Variants in ZFP36L1 observed in about 807,000 individuals in gnomAD.
The protein encoded by ZFP36L1 is mRNA decay activator protein ZFP36L1.
ZFP36L1 carries 4 observed loss-of-function variants against 16.7 expected under a neutral mutation model. The observed-to-expected ratio is 0.24, with a 90% CI of 0.12 to 0.55. The LOEUF is 0.55. Among genes scored for constraint, ZFP36L1 ranks in the 20% least tolerant of loss-of-function variants. The pLI, the probability that ZFP36L1 is intolerant of heterozygous loss-of-function variation, is 0.94. For synonymous variants in ZFP36L1, 220 were observed against 190.8 expected (o/e 1.15, Z -1.26); for missense variants, 311 against 449.2 (o/e 0.69, Z 2.78).
chr14:68,792,763 A>G (rs549846251), intron 1 of ZFP36L1, 119 bp downstream of exon 1: 2 of 1,403,426 alleles, frequency 1.4e-6, no homozygotes, highest in Non-Finnish European at 2.0e-6. Flanking sequence ...CGGAGGAGAA[A>G]AGAATCATCT....
chr14:68,790,885 G>C, intron 1 of ZFP36L1: 6 of 463,264 alleles, frequency 1.3e-5, no homozygotes, highest in East Asian at 3.7e-5. Flanking sequence ...CACCGCCCGC[G>C]ACAAAAACAG....
At chr14:68,795,900 G>A (rs569090877), upstream of ZFP36L1, 3 of 890,580 alleles carry the variant, frequency 3.4e-6, no homozygotes, top group South Asian at 2.5e-5. Context: ...GAGGGCGGGA[G>A]CCGACCCGCC....
At chr14:68,792,072 G>A (rs780980580) in intron 1 of ZFP36L1, among the ~76,000 whole-genome samples, 19 of 152,134 alleles carry the variant, frequency 1.2e-4, no homozygotes, top group Non-Finnish European at 2.4e-4. Context: ...AACATTCCGA[G>A]TTTAAAACTT....
At chr14:68,795,158 G>A (rs1895214141), upstream of ZFP36L1, among the ~76,000 whole-genome samples, 1 of 152,224 alleles carries the variant, frequency 6.6e-6, no homozygotes, top group South Asian at 2.1e-4. Flanking sequence ...CGGTGGGGGA[G>A]AGATTTCGTG....
upstream of ZFP36L1, among the ~76,000 whole-genome samples, chr14:68,795,034 T>C (rs1465879233): frequency 6.6e-6 from 1 of 152,176 alleles, no homozygotes. Flanking sequence ...TCTTGAAATC[T>C]GGCAAGCGCC....
chr14:68,794,739 T>G (rs1380792134), upstream of ZFP36L1: 1 of 152,286 alleles, frequency 6.6e-6, no homozygotes, highest in Non-Finnish European at 1.5e-5. Flanking sequence ...CAACACACAC[T>G]TTTTTTTAAA....
chr14:68,792,535 G>C (rs566598457), intron 1 of ZFP36L1, among the ~76,000 whole-genome samples: 6 of 152,200 alleles, frequency 3.9e-5, no homozygotes, highest in South Asian at 2.1e-4. Flanking sequence ...GATCAGACCA[G>C]CAAACCTGGG....
At chr14:68,795,977 C>T (rs1286293080), upstream of ZFP36L1, 5 of 1,322,456 alleles carry the variant, frequency 3.8e-6, no homozygotes, top group Non-Finnish European at 5.0e-6. Flanking sequence ...GCAGGAAGGC[C>T]GAGGCGAGGC....
upstream of ZFP36L1, among the ~76,000 whole-genome samples, chr14:68,795,555 G>C (rs1237106875): frequency 1.3e-5 from 2 of 152,206 alleles, no homozygotes; most frequent in African/African-American, 4.8e-5. Context: ...AGGCGCCCCA[G>C]AATGGCTACA....
In ZFP36L1 at chr14:68,790,109, C is replaced by G. The variant is rs1594716590; in HGVS notation, c.441G>C (p.Leu147=). 1 of 1,610,726 alleles carries G rather than the reference C, an allele frequency of 6.2e-7. No homozygotes were observed. ...CCGTCTTGTACTTGGGGTGGCGGGT[C>G]AGGCTGCGGAGCTCGTGGATGCCGT... ...FAHGIHELRS[L]TRHPKYKTEL... Residue 147 remains leucine (L), a synonymous_variant, in exon 2 of 2, where the codon CTG becomes CTC. Transcript: ENST00000439696.
At chr14:68,790,581 C>T (rs1461946141) in intron 1 of ZFP36L1, 89 bp from the exon 2 acceptor site, 4 of 1,525,930 alleles carry the variant, frequency 2.6e-6, no homozygotes, top group East Asian at 2.4e-5. Context: ...CACAAACGCC[C>T]GCTCTTTCTC....
At chr14:68,790,953 CTGCTTAAT>C (rs1895051731) in intron 1 of ZFP36L1, 1 of 667,404 alleles carries the variant, frequency 1.5e-6, no homozygotes, top group Non-Finnish European at 2.7e-6. Context: ...CAATCAGTCT[CTGCTTAAT>C]TGATACCCCC....
intron 1 of ZFP36L1, among the ~76,000 whole-genome samples, chr14:68,792,484 G>C (rs61025486): frequency 6.6e-6 from 1 of 152,180 alleles, no homozygotes; most frequent in Non-Finnish European, 1.5e-5. Flanking sequence ...CCACGGGTGG[G>C]TAATGCCGCT....
At chr14:68,796,087 T>C (rs774413979), upstream of ZFP36L1, 2 of 1,359,984 alleles carry the variant, frequency 1.5e-6, no homozygotes, top group Admixed American at 3.9e-5. Flanking sequence ...GCACTGCCGC[T>C]TCCGACCGGG....
chr14:68,793,412 A>T (rs891021171), upstream of ZFP36L1: 59 of 999,034 alleles, frequency 5.9e-5, no homozygotes, highest in Admixed American at 1.1e-4. Context: ...GCGCGGGCGC[A>T]GAGCGGGAGG....
At chr14:68,791,686 T>C (rs536221014) in intron 1 of ZFP36L1, among the ~76,000 whole-genome samples, 1 of 150,040 alleles carries the variant, frequency 6.7e-6, no homozygotes, top group Admixed American at 6.6e-5. Flanking sequence ...AAGAAATAGA[T>C]CAAAGAGCGG....
rs1311813075 is a variant in ZFP36L1 at position 68,788,940 on chromosome 14, G to T, written c.*593C>A. The T allele has an allele frequency of 4.9e-5, 1 of 20,408 alleles. No individual in the cohort carries two copies. The highest frequency in any genetic ancestry group is 1.4e-3 in the South Asian group (1 of 726). The allele number at this position is 20,408 out of a possible 1,614,324, so 1.3% of individuals were successfully genotyped here. A position where few individuals can be genotyped will look rare whatever the true frequency, so the allele number is the denominator to read the frequency against. ...CTTCCAAGGGGCAGGGGTGGGGGGG[G>T]TGGGGGGGCGGGTACAGGTGGAGAG... On this transcript the variant is annotated 3_prime_UTR_variant, in exon 2 of 2. Coordinates refer to ENST00000439696, the MANE Select transcript of ZFP36L1 (RefSeq NM_004926.4).
rs765076175 is a variant in ZFP36L1, at chr14:68,789,849, G to C, written c.701C>G (p.Ala234Gly). 6 of 1,611,060 alleles carry C rather than the reference G, an allele frequency of 3.7e-6. No individual in the cohort carries two copies. ...TSITPPPILSADDLLGSPTLP... is the reference protein window; with the variant it reads ...TSITPPPILSGDDLLGSPTLP... Reference sequence around the variant, plus strand: ...GGTAGGTGAGCCCAGGAGGTCATCGGCGCTCAGAATAGGGGGTGGGGTGAT... The same window carrying C: ...GGTAGGTGAGCCCAGGAGGTCATCGCCGCTCAGAATAGGGGGTGGGGTGAT... The change falls in exon 2 of 2, where the codon GCC (alanine) becomes GGC (glycine). Residue 234 changes from alanine (A) to glycine (G), a missense_variant. Coordinates refer to ENST00000439696, the MANE Select transcript of ZFP36L1 (RefSeq NM_004926.4). The surrounding 1 kb of genome is among the most constrained non-coding windows in gnomAD (Gnocchi z 4.5).
At chr14:68,793,769 C>G, upstream of ZFP36L1, 3 of 985,292 alleles carry the variant, frequency 3.0e-6, no homozygotes, top group Non-Finnish European at 3.6e-6. Context: ...TGTTTTTTTT[C>G]CAGCGGGGCG....
Sources: gnomAD v4.1 joint callset for allele counts (sites outside exome capture counted in the v4.1 genomes callset) on GRCh38, gnomAD v4.1.1 for gene constraint, Gnocchi (gnomAD v3.1) non-coding constraint, MANE v1.5 for transcripts, NCBI Gene and HGNC (gene_info 2026-07-23, HGNC 2026-07-21) for gene names.